Variants in EYS observed in about 807,000 individuals in gnomAD.
EYS encodes the protein EGF-like photoreceptor maintenance factor.
A neutral mutation model predicts 282.1 loss-of-function variants in EYS; 250 were observed. The observed-to-expected ratio is 0.89, with a 90% CI of 0.80 to 0.98. The LOEUF (loss-of-function observed/expected upper bound fraction) is 0.98. EYS is among the 50% of genes least tolerant of loss of function. The pLI is 0.00. For synonymous variants in EYS, 1,355 were observed against 1,282.9 expected (o/e 1.06, Z -1.20); for missense variants, 4,016 against 3,709.0 (o/e 1.08, Z -2.15).
rs903296365 is a variant in EYS at position 65,493,991 on chromosome 6, T to C, written c.748+672A>G. Among the ~76,000 whole-genome samples, 29 of 152,306 alleles carry C rather than the reference T, an allele frequency of 1.9e-4. 1 individual carries two copies. Among genetic ancestry groups the C allele is most frequent in the Admixed American group, 1.4e-3 (22 of 15,296 alleles). On this transcript the variant is annotated intron_variant, in intron 4 of 42. Transcript: ENST00000503581. ...TAATTTATTTTCAAGTTATCACCTA[T>C]CTAAATACCATAATCTTGGGAATTC...
intron 5 of EYS, among the ~76,000 whole-genome samples, chr6:65,428,748 AT>A (rs999244824): frequency 5.9e-5 from 9 of 152,054 alleles, no homozygotes; most frequent in South Asian, 2.1e-4. Context: ...TCACTGAGGA[AT>A]TTTTTTTAAA....
chr6:64,271,439 T>C (rs1046909875), intron 30 of EYS, among the ~76,000 whole-genome samples: 2 of 152,182 alleles, frequency 1.3e-5, no homozygotes, highest in East Asian at 3.8e-4. Context: ...AAAAGGTTTT[T>C]TTGGGAAACA....
rs530133651 is a variant in EYS, at chr6:64,253,580, C to A, written c.6192-22756G>T. ...TGCTGTGTCCAGAGACCATGGCAAG[C>A]ACCAGAGTTTTTTTAGCTGTCACAT... is the stretch of plus-strand genomic sequence containing the variant. On this transcript the variant is annotated intron_variant, in intron 30 of 42. Coordinates refer to ENST00000503581, the MANE Select transcript of EYS (RefSeq NM_001142800.2). 3.9e-5 allele frequency among the ~76,000 whole-genome samples: 6 copies of A among 152,244 alleles called. No individual in the cohort carries two copies. In the South Asian group the frequency reaches 1.2e-3, roughly 32 times the overall value.
intron 2 of EYS, among the ~76,000 whole-genome samples, chr6:65,540,739 T>C (rs1021105665): frequency 1.3e-5 from 2 of 152,036 alleles, no homozygotes; most frequent in Non-Finnish European, 2.9e-5. Flanking sequence ...ACTAACATGG[T>C]GAAACCCCGT....
At chr6:64,933,776 T>C (rs1333161854) in intron 15 of EYS, among the ~76,000 whole-genome samples, 6 of 152,090 alleles carry the variant, frequency 3.9e-5, no homozygotes, top group Non-Finnish European at 5.9e-5. Context: ...ATGTGGCACA[T>C]ATACAGCATG....
intron 22 of EYS, among the ~76,000 whole-genome samples, chr6:64,756,551 A>G (rs1562173854): frequency 6.6e-6 from 1 of 152,196 alleles, no homozygotes; most frequent in African/African-American, 2.4e-5. Context: ...TTTTATAATC[A>G]CATCTATAAG....
chr6:64,219,562 C>T (rs1198465495), intron 31 of EYS, among the ~76,000 whole-genome samples: 1 of 152,148 alleles, frequency 6.6e-6, no homozygotes, highest in Non-Finnish European at 1.5e-5. Flanking sequence ...AAAGGGATAG[C>T]TGGGTCAAAT....
intron 33 of EYS, among the ~76,000 whole-genome samples, chr6:64,016,880 A>C (rs909202404): frequency 3.9e-5 from 6 of 152,086 alleles, no homozygotes; most frequent in Non-Finnish European, 8.8e-5. Flanking sequence ...CTTAACTGAG[A>C]CAGGAAAGCT....
At chr6:64,325,672 CA>C (rs1459307549) in intron 29 of EYS, among the ~76,000 whole-genome samples, 7 of 151,988 alleles carry the variant, frequency 4.6e-5, no homozygotes, top group African/African-American at 1.7e-4. Context: ...AAAAACAATA[CA>C]AGAAGTGAAG....
chr6:63,720,830 G>A lies in EYS; in HGVS notation c.9201C>T (p.Ser3067=), dbSNP rs1261162221. ...KAYINNSLIL[S]EDIDPHKNFV... ...AGTTTTTATGTGGATCAATATCCTC[G>A]GAAAGAATTAGACTGTTATTTATGT... The change falls in exon 43 of 43, where the codon TCC becomes TCT. Residue 3067 remains serine, a synonymous_variant. Transcript: ENST00000503581. The A allele has an allele frequency of 4.5e-6, 7 of 1,550,930 alleles. No homozygotes were observed. The East Asian group carries it at 9.8e-5, about 22-fold the overall frequency.
chr6:65,580,001 T>C (rs1430364327), intron 2 of EYS, among the ~76,000 whole-genome samples: 1 of 152,140 alleles, frequency 6.6e-6, no homozygotes, highest in East Asian at 1.9e-4. Context: ...CATGGTCATG[T>C]AAATATTAAG....
chr6:65,452,943 G>C (rs1764459399), intron 5 of EYS, among the ~76,000 whole-genome samples: 1 of 151,926 alleles, frequency 6.6e-6, no homozygotes, highest in Non-Finnish European at 1.5e-5. Context: ...TTTAAAGAAA[G>C]ACATGAAGGA....
At chr6:63,926,251 A>C (rs1764712884) in intron 35 of EYS, among the ~76,000 whole-genome samples, 1 of 152,234 alleles carries the variant, frequency 6.6e-6, no homozygotes, top group Non-Finnish European at 1.5e-5. Context: ...TCACTCCAGA[A>C]AAACATTACA....
At chr6:64,136,153 A>C (rs1025751895) in intron 31 of EYS, among the ~76,000 whole-genome samples, 1 of 151,972 alleles carries the variant, frequency 6.6e-6, no homozygotes, top group Non-Finnish European at 1.5e-5. Context: ...AAAAAAAAAA[A>C]AAAACCACCT....
At chr6:64,776,104 C>T (rs1278926549) in intron 22 of EYS, among the ~76,000 whole-genome samples, 1 of 152,050 alleles carries the variant, frequency 6.6e-6, no homozygotes, top group Admixed American at 6.6e-5. Flanking sequence ...AAATATCACA[C>T]AAATCACTCA....
chr6:65,568,199 T>C (rs1269604642), intron 2 of EYS, among the ~76,000 whole-genome samples: 6 of 152,158 alleles, frequency 3.9e-5, no homozygotes, highest in African/African-American at 1.4e-4. Context: ...TATCCATTCA[T>C]TCCTCCCTAG....
chr6:64,603,698 T>C (rs190552103), intron 24 of EYS, among the ~76,000 whole-genome samples: 1 of 152,174 alleles, frequency 6.6e-6, no homozygotes, highest in Non-Finnish European at 1.5e-5. Flanking sequence ...TCATTCAAAC[T>C]GGTTCTGTGG....
chr6:65,203,327 G>T (rs1185851754), intron 12 of EYS, among the ~76,000 whole-genome samples: 2 of 152,096 alleles, frequency 1.3e-5, no homozygotes, highest in Non-Finnish European at 2.9e-5. Flanking sequence ...TGCAGTGCTA[G>T]GGAACTAGAT....
intron 12 of EYS, among the ~76,000 whole-genome samples, chr6:65,064,590 A>G (rs1583449862): frequency 1.3e-5 from 2 of 149,218 alleles, no homozygotes; most frequent in East Asian, 3.9e-4. Flanking sequence ...TAAAAGTTAT[A>G]TACTATATAG....
Sources: gnomAD v4.1 joint callset for allele counts (sites outside exome capture counted in the v4.1 genomes callset) on GRCh38, gnomAD v4.1.1 for gene constraint, MANE v1.5 for transcripts, NCBI Gene and HGNC (gene_info 2026-07-23, HGNC 2026-07-21) for gene names.